The following FAM76A variants were observed in gnomAD, a reference collection of about 807,000 sequenced individuals.
FAM76A encodes family with sequence similarity 76 member A.
Under a neutral mutation model 46.2 loss-of-function variants are expected in FAM76A, and 32 were observed. The observed-to-expected ratio is 0.69, with a 90% CI of 0.52 to 0.93. FAM76A has a LOEUF of 0.93. Ranked by LOEUF, FAM76A falls within the 40% of genes least tolerant of loss-of-function variation. The pLI is 0.00. For synonymous variants in FAM76A, 137 were observed against 127.0 expected (o/e 1.08, Z -0.53); for missense variants, 274 against 361.5 (o/e 0.76, Z 1.96).
rs1435046528 is a variant in FAM76A, at chr1:27,749,080, TTC to T, written c.527_528del (p.Ser176TyrfsTer7). Reference protein sequence around the residue: ...GGHYNSQKTLSTSSIQNEIPK... With the variant: ...GGHYNSQKTLXTSSIQNEIPK... ...TTGCCATTAAAAGCCAGAAAACACT[TTC>T]TACATCTTCAATTCAAAATGAAATC... On this transcript the variant is annotated frameshift_variant, in exon 6 of 9. Coordinates refer to ENST00000373954, the MANE Select transcript of FAM76A (RefSeq NM_152660.3). LOFTEE classifies it high-confidence loss of function. 1 of 1,600,390 alleles carries T rather than the reference TTC, an allele frequency of 6.2e-7. No homozygotes were observed. Among genetic ancestry groups the T allele is most frequent in the Admixed American group, 1.8e-5 (1 of 55,344 alleles).
At chr1:27,759,497 T>A in intron 7 of FAM76A, 29 bp from the exon 8 acceptor site, 2 of 1,514,912 alleles carry the variant, frequency 1.3e-6, no homozygotes, top group Non-Finnish European at 9.0e-7. Context: ...CAGAAATTTC[T>A]TCTGGTTATT....
intron 7 of FAM76A, among the ~76,000 whole-genome samples, chr1:27,755,574 GT>G (rs1282962911): frequency 6.6e-6 from 1 of 152,044 alleles, no homozygotes; most frequent in Non-Finnish European, 1.5e-5. Flanking sequence ...AGGACATTTT[GT>G]TTTTTGTTTT....
intron 5 of FAM76A, among the ~76,000 whole-genome samples, chr1:27,747,356 G>A (rs1571489415): frequency 1.3e-5 from 2 of 152,322 alleles, no homozygotes; most frequent in African/African-American, 4.8e-5. Flanking sequence ...TGTCACAAAA[G>A]TGGGATGACC....
intron 4 of FAM76A, among the ~76,000 whole-genome samples, chr1:27,743,782 G>C (rs367743692): frequency 4.9e-4 from 74 of 151,114 alleles, no homozygotes; most frequent in African/African-American, 1.7e-3. Flanking sequence ...AAAAAAAAAC[G>C]AACACCTGAT....
intron 1 of FAM76A, among the ~76,000 whole-genome samples, chr1:27,727,076 A>G (rs900198444): frequency 2.0e-5 from 3 of 152,170 alleles, no homozygotes; most frequent in African/African-American, 4.8e-5. Context: ...GCCTCAAAAT[A>G]TGTATATATG....
intron 4 of FAM76A, among the ~76,000 whole-genome samples, chr1:27,736,654 C>T (rs1205514969): frequency 1.3e-5 from 2 of 152,164 alleles, no homozygotes. Context: ...GTGGCACGAC[C>T]TCAGCTCACC....
At chr1:27,739,098 A>T (rs1557778706) in intron 4 of FAM76A, 1 of 331,876 alleles carries the variant, frequency 3.0e-6, no homozygotes. Flanking sequence ...CACTACAAGG[A>T]GGTGTGTGTG....
intron 4 of FAM76A, among the ~76,000 whole-genome samples, chr1:27,737,998 A>G (rs2088084765): frequency 6.6e-6 from 1 of 151,212 alleles, no homozygotes. Context: ...GGCTCCAGTG[A>G]GCTGTAATTA....
chr1:27,727,678 A>C (rs2087883855), intron 2 of FAM76A, 142 bp downstream of exon 2: 1 of 643,782 alleles, frequency 1.6e-6, no homozygotes, highest in African/African-American at 1.8e-5. Context: ...TATACAGACT[A>C]TAATTGCTAA....
At chr1:27,737,868 C>CAAAAAAAAAAAAAA (rs71571865) in intron 4 of FAM76A, among the ~76,000 whole-genome samples, 46 of 62,698 alleles carry the variant, frequency 7.3e-4, no homozygotes, top group Non-Finnish European at 9.5e-4. Flanking sequence ...ACAACAACAA[C>CAAAAAAAAAAAAAA]AAAAAAAAAA....
intron 8 of FAM76A, 139 bp downstream of exon 8, chr1:27,759,766 G>GT (rs374632191): frequency 0.12 from 57,460 of 461,586 alleles, 60 homozygotes; most frequent in South Asian, 0.18. Context: ...CCCCTTTTAG[G>GT]TTTTTTTTTT....
chr1:27,760,066 C>T, intron 8 of FAM76A: 1 of 449,380 alleles, frequency 2.2e-6, no homozygotes, highest in South Asian at 1.6e-5. Flanking sequence ...AGCCACCATG[C>T]CCAGCCTGTA....
chr1:27,760,464 T>A, intron 8 of FAM76A, 31 bp from the exon 9 acceptor site: 1 of 1,574,870 alleles, frequency 6.3e-7, no homozygotes, highest in Non-Finnish European at 8.7e-7. Context: ...GTTTGAAACA[T>A]CCTTCTTGCA....
At position 27,755,216 on chromosome 1, in the gene FAM76A, G is replaced by C. The variant is rs1448861007; in HGVS notation, c.621G>C (p.Leu207=). The stretch of plus-strand genomic sequence containing the variant: ...TTAGCTTCTCCCCAGACCTGGCTCT[G>C]GACTCACCAGGCACTGACCACTTTG... The part of the protein sequence containing the change: ...NGDSFSPDLA[L]DSPGTDHFVI... The change falls in exon 7 of 9, where the codon CTG becomes CTC. Residue 207 remains leucine, a synonymous_variant. Coordinates refer to ENST00000373954, the MANE Select transcript of FAM76A (RefSeq NM_152660.3). 3.7e-6 allele frequency: 6 copies of C among 1,614,136 alleles called. No individual in the cohort carries two copies. Among genetic ancestry groups the C allele is most frequent in the Non-Finnish European group, 5.1e-6 (6 of 1,180,028 alleles).
At chr1:27,757,841 G>A (rs938913706) in intron 7 of FAM76A, among the ~76,000 whole-genome samples, 2 of 152,236 alleles carry the variant, frequency 1.3e-5, no homozygotes, top group East Asian at 1.9e-4. Flanking sequence ...GCTGGGCGTG[G>A]TGGTGGGCGC....
In FAM76A at chr1:27,739,299, A is replaced by G. The variant is rs192820570; in HGVS notation, c.354+5116A>G. ...CCAAGTAGAAGAAAAGCCTTATTGG[A>G]AAGATCCAAATAATGACTTCAGAAA... is the stretch of plus-strand genomic sequence containing the variant. On this transcript the variant is annotated intron_variant, in intron 4 of 8. Coordinates refer to ENST00000373954, the MANE Select transcript of FAM76A (RefSeq NM_152660.3). The G allele has an allele frequency of 5.8e-4, 307 of 526,458 alleles. 1 individual carries two copies. Among genetic ancestry groups the G allele is most frequent in the African/African-American group, 5.5e-3 (285 of 51,682 alleles). 32.6% of individuals were successfully genotyped at this position (526,458 alleles called of 1,614,324 possible).
chr1:27,728,465 A>T (rs918409150), intron 2 of FAM76A, among the ~76,000 whole-genome samples: 1 of 150,168 alleles, frequency 6.7e-6, no homozygotes, highest in Admixed American at 6.6e-5. Context: ...TGATCCTCCC[A>T]CCTCAGCCTA....
intron 7 of FAM76A, among the ~76,000 whole-genome samples, chr1:27,758,679 GTTTTT>G (rs35065746): frequency 9.0e-6 from 1 of 111,302 alleles, no homozygotes; most frequent in Non-Finnish European, 2.0e-5. Context: ...TTTAATTTTC[GTTTTT>G]TTTTTTTTTT....
At chr1:27,735,124 C>T (rs545354092) in intron 4 of FAM76A, among the ~76,000 whole-genome samples, 64 of 152,314 alleles carry the variant, frequency 4.2e-4, no homozygotes, top group African/African-American at 1.4e-3. Flanking sequence ...GTCTGACATG[C>T]GGATCTCACT....
Sources: gnomAD v4.1 joint callset for allele counts (sites outside exome capture counted in the v4.1 genomes callset) on GRCh38, gnomAD v4.1.1 for gene constraint, MANE v1.5 for transcripts, NCBI Gene and HGNC (gene_info 2026-07-23, HGNC 2026-07-21) for gene names.